PDE5A: variants seen among roughly 807,000 people sequenced by gnomAD.
PDE5A encodes phosphodiesterase 5A.
A neutral mutation model predicts 110.2 loss-of-function variants in PDE5A; 67 were observed. The ratio of observed to expected loss-of-function variants is 0.61; its 90% CI spans 0.50 to 0.75. The LOEUF (loss-of-function observed/expected upper bound fraction) is 0.75, where lower values mean the gene tolerates loss of function less well. Among genes scored for constraint, PDE5A ranks in the 30% least tolerant of loss-of-function variants. PDE5A has a pLI of 0.00. For synonymous variants in PDE5A, 328 were observed against 351.2 expected, an observed-to-expected ratio of 0.93 and a Z score of 0.74; for missense variants, 862 against 1,045.1, an observed-to-expected ratio of 0.82 and a Z score of 2.42.
In PDE5A at chr4:119,627,923, G is replaced by T; in HGVS notation, c.152+597C>A. 1 of 431,196 alleles carries T rather than the reference G, an allele frequency of 2.3e-6. No individual in the cohort carries two copies. The highest frequency in any genetic ancestry group is 3.1e-6 in the Non-Finnish European group (1 of 323,198). 26.7% of individuals were successfully genotyped at this position (431,196 alleles called of 1,614,324 possible). A position where few individuals can be genotyped will look rare whatever the true frequency, so the allele number is the denominator to read the frequency against. On this transcript the variant is annotated intron_variant, in intron 1 of 20. Transcript: ENST00000354960. The surrounding 1 kb of genome is among the most constrained non-coding windows in gnomAD (Gnocchi z 4.6). The stretch of plus-strand genomic sequence containing the variant: ...TACTTTTGGCGGCACAGCCTTCGGC[G>T]GAAAAGCGAGTGAAAGGAGGCGCGC...
intron 18 of PDE5A, among the ~76,000 whole-genome samples, chr4:119,503,803 CT>C: frequency 6.6e-6 from 1 of 152,156 alleles, no homozygotes; most frequent in African/African-American, 2.4e-5. Context: ...CTTAATATAT[CT>C]TACAAATATT....
chr4:119,595,209 T>TA (rs1729113089), intron 3 of PDE5A, among the ~76,000 whole-genome samples: 1 of 152,144 alleles, frequency 6.6e-6, no homozygotes, highest in Middle Eastern at 3.2e-3. Context: ...GGAAGGAGAA[T>TA]AAATGTCAGA....
intron 20 of PDE5A, chr4:119,500,354 C>T (rs1725258770): frequency 6.7e-6 from 1 of 149,104 alleles, no homozygotes; most frequent in South Asian, 2.1e-4. Flanking sequence ...CTTTTGATGG[C>T]GAGAATCCTG....
intron 3 of PDE5A, among the ~76,000 whole-genome samples, chr4:119,585,615 T>C (rs1327629131): frequency 6.6e-6 from 1 of 152,200 alleles, no homozygotes; most frequent in East Asian, 1.9e-4. Flanking sequence ...ATATGTTCTA[T>C]ATAATAAATA....
chr4:119,506,402 A>G (rs1725554652), intron 16 of PDE5A, among the ~76,000 whole-genome samples: 1 of 151,856 alleles, frequency 6.6e-6, no homozygotes, highest in South Asian at 2.1e-4. Flanking sequence ...AATATTTGTT[A>G]TTATTCAGTG....
At chr4:119,624,285 T>C (rs1285784141) in intron 1 of PDE5A, among the ~76,000 whole-genome samples, 1 of 152,190 alleles carries the variant, frequency 6.6e-6, no homozygotes, top group Non-Finnish European at 1.5e-5. Flanking sequence ...TATATTCCTA[T>C]ATAATTATAG....
At chr4:119,600,196 A>ATG (rs954764416) in intron 2 of PDE5A, among the ~76,000 whole-genome samples, 16 of 151,922 alleles carry the variant, frequency 1.1e-4, no homozygotes, top group Non-Finnish European at 2.2e-4. Context: ...ATATATATAT[A>ATG]TAAAAAGAGT....
chr4:119,600,375 T>C (rs1468266819), intron 2 of PDE5A, among the ~76,000 whole-genome samples: 5 of 152,150 alleles, frequency 3.3e-5, no homozygotes, highest in African/African-American at 1.2e-4. Flanking sequence ...TAGATGTGTA[T>C]GTATATTTAT....
intron 1 of PDE5A, among the ~76,000 whole-genome samples, chr4:119,611,613 T>C (rs1425934590): frequency 1.3e-5 from 2 of 152,260 alleles, no homozygotes; most frequent in Non-Finnish European, 2.9e-5. Context: ...TTCTACATTA[T>C]GTGTTTGTGA....
At chr4:119,620,372 T>C (rs1319909304) in intron 1 of PDE5A, among the ~76,000 whole-genome samples, 1 of 152,248 alleles carries the variant, frequency 6.6e-6, no homozygotes, top group African/African-American at 2.4e-5. Flanking sequence ...AATTGCTTCA[T>C]ATGATTTTAA....
At chr4:119,574,411 G>C (rs1365146261) in intron 3 of PDE5A, among the ~76,000 whole-genome samples, 1 of 151,836 alleles carries the variant, frequency 6.6e-6, no homozygotes, top group Non-Finnish European at 1.5e-5. Context: ...TCAAACTCCT[G>C]ACCTTGCGAT....
In PDE5A at chr4:119,496,848, A is replaced by G. The variant is rs1439351795; in HGVS notation, c.*1753T>C. The G allele has an allele frequency of 1.3e-5, 2 of 152,606 alleles. No homozygotes were observed. Among genetic ancestry groups the G allele is most frequent in the African/African-American group, 2.4e-5 (1 of 41,464 alleles). 9.5% of individuals were successfully genotyped at this position (152,606 alleles called of 1,614,324 possible). A position where few individuals can be genotyped will look rare whatever the true frequency, so the allele number is the denominator to read the frequency against. On this transcript the variant is annotated 3_prime_UTR_variant, in exon 21 of 21. Coordinates refer to ENST00000354960, the MANE Select transcript of PDE5A (RefSeq NM_001083.4). Reference sequence around the variant, plus strand: ...AAAAAATAAAATATCCTGAAAATACAAGTATACAATACATATAGCATTAAA... The same window carrying G: ...AAAAAATAAAATATCCTGAAAATACGAGTATACAATACATATAGCATTAAA...
At chr4:119,620,675 C>T (rs1354001344) in intron 1 of PDE5A, among the ~76,000 whole-genome samples, 2 of 152,068 alleles carry the variant, frequency 1.3e-5, no homozygotes, top group South Asian at 4.1e-4. Context: ...TATATTTTCA[C>T]AATAATCATA....
intron 12 of PDE5A, among the ~76,000 whole-genome samples, chr4:119,524,949 A>C (rs1726255925): frequency 6.6e-6 from 1 of 152,070 alleles, no homozygotes. Context: ...CAGAGGTTAA[A>C]ATCAGTTTTC....
At chr4:119,611,115 G>A (rs1262350198) in intron 1 of PDE5A, among the ~76,000 whole-genome samples, 2 of 152,144 alleles carry the variant, frequency 1.3e-5, no homozygotes, top group Non-Finnish European at 2.9e-5. Flanking sequence ...TTGGCACATG[G>A]CTGATCCACT....
At chr4:119,518,811 C>T (rs1032237739) in intron 14 of PDE5A, among the ~76,000 whole-genome samples, 1 of 152,156 alleles carries the variant, frequency 6.6e-6, no homozygotes, top group African/African-American at 2.4e-5. Context: ...TAAAGTAAAA[C>T]TCCTGGTAAT....
At chr4:119,617,824 C>A (rs1729994217) in intron 1 of PDE5A, among the ~76,000 whole-genome samples, 1 of 152,000 alleles carries the variant, frequency 6.6e-6, no homozygotes, top group Non-Finnish European at 1.5e-5. Flanking sequence ...TGGCCTAGTA[C>A]CGAAATTTTC....
intron 11 of PDE5A, among the ~76,000 whole-genome samples, chr4:119,534,643 G>C (rs559820759): frequency 6.6e-6 from 1 of 152,182 alleles, no homozygotes; most frequent in Non-Finnish European, 1.5e-5. Flanking sequence ...AGATAGTCGG[G>C]CCAATACTTC....
intron 2 of PDE5A, among the ~76,000 whole-genome samples, chr4:119,602,291 T>C (rs1484546599): frequency 6.6e-6 from 1 of 152,134 alleles, no homozygotes; most frequent in Non-Finnish European, 1.5e-5. Flanking sequence ...ATATGCATTA[T>C]AGAGTGAAAA....
Sources: gnomAD v4.1 joint callset for allele counts (sites outside exome capture counted in the v4.1 genomes callset) on GRCh38, gnomAD v4.1.1 for gene constraint, Gnocchi (gnomAD v3.1) non-coding constraint, MANE v1.5 for transcripts, NCBI Gene and HGNC (gene_info 2026-07-23, HGNC 2026-07-21) for gene names.